The following SLC28A2 variants were observed in gnomAD, a reference collection of about 807,000 sequenced individuals.
SLC28A2 encodes the protein sodium/nucleoside cotransporter 2.
SLC28A2 carries 69 observed loss-of-function variants against 72.9 expected under a neutral mutation model. The observed-to-expected ratio is 0.95, with a 90% CI of 0.78 to 1.16. SLC28A2 has a LOEUF of 1.16. SLC28A2 is among the 50% of genes most tolerant of loss of function. The pLI is 0.00. For synonymous variants in SLC28A2, 296 were observed against 294.1 expected, an observed-to-expected ratio of 1.01 and a Z score of -0.07; for missense variants, 745 against 791.1, an observed-to-expected ratio of 0.94 and a Z score of 0.70.
chr15:45,254,549 G>C (rs1899913785), intron 3 of SLC28A2, among the ~76,000 whole-genome samples: 1 of 152,130 alleles, frequency 6.6e-6, no homozygotes, highest in African/African-American at 2.4e-5. Context: ...TGTGTCGTAA[G>C]CTATACCATC....
intron 5 of SLC28A2, 136 bp downstream of exon 5, chr15:45,263,380 A>C: frequency 2.5e-6 from 2 of 791,996 alleles, no homozygotes; most frequent in Non-Finnish European, 3.9e-6. Flanking sequence ...AAAAATAACA[A>C]TAGGCCTCTG....
chr15:45,266,446 A>G (rs1900339439), intron 10 of SLC28A2, among the ~76,000 whole-genome samples: 1 of 152,148 alleles, frequency 6.6e-6, no homozygotes, highest in Non-Finnish European at 1.5e-5. Context: ...CGTCCAATTC[A>G]TATCCCCTTT....
rs1348922460 is a variant in SLC28A2, at chr15:45,253,513, T to TA, written c.164dup (p.Tyr55Ter). ...SLGDGLGPST[Y>*]QRRSRWPFSK... is the part of the protein sequence containing the mutation. ...GGGGGATGGACTGGGCCCTTCCACT[T>TA]ACCAGAGGTACTGGTGTTTTGGAAT... Residue 55 changes from tyrosine (Y) to a stop codon, truncating the protein, a stop_gained and frameshift_variant, in exon 3 of 18, where the codon TAC becomes TAAC. Transcript: ENST00000347644. LOFTEE classifies it high-confidence loss of function. 2 of 1,608,324 alleles carry TA rather than the reference T, an allele frequency of 1.2e-6. No individual in the cohort carries two copies. Among genetic ancestry groups the TA allele is most frequent in the Non-Finnish European group, 1.7e-6 (2 of 1,174,988 alleles).
intron 16 of SLC28A2, 60 bp downstream of exon 16, chr15:45,272,453 T>C: frequency 2.3e-6 from 3 of 1,329,712 alleles, no homozygotes; most frequent in Non-Finnish European, 3.2e-6. Context: ...GGAGGAATAA[T>C]ATGAGGAAGG....
chr15:45,274,893 G>A (rs1900702291), intron 17 of SLC28A2, among the ~76,000 whole-genome samples: 1 of 152,044 alleles, frequency 6.6e-6, no homozygotes, highest in Admixed American at 6.6e-5. Flanking sequence ...ACCATGCCTG[G>A]TTAATTTTTA....
intron 3 of SLC28A2, among the ~76,000 whole-genome samples, chr15:45,256,878 C>T (rs1385556704): frequency 6.6e-6 from 1 of 152,084 alleles, no homozygotes; most frequent in Non-Finnish European, 1.5e-5. Context: ...TCTGAACTCC[C>T]TTATATCACA....
chr15:45,253,790 G>A, intron 3 of SLC28A2: 1 of 273,418 alleles, frequency 3.7e-6, no homozygotes, highest in Non-Finnish European at 6.9e-6. Flanking sequence ...CTATTTTGCA[G>A]ATTGCTTTAT....
chr15:45,255,210 C>T (rs184727253), intron 3 of SLC28A2: 34 of 150,712 alleles, frequency 2.3e-4, no homozygotes, highest in African/African-American at 7.8e-4. Context: ...GAGCCATGAT[C>T]GTGCCACTGT....
intron 17 of SLC28A2, 44 bp from the exon 18 acceptor site, chr15:45,275,352 T>C (rs1405978073): frequency 8.8e-7 from 1 of 1,134,780 alleles, no homozygotes. Flanking sequence ...TGTTGCTTTG[T>C]TCCTGTCTGA....
At chr15:45,263,822 T>C (rs919085449) in intron 5 of SLC28A2, 59 bp from the exon 6 acceptor site, 37 of 1,522,480 alleles carry the variant, frequency 2.4e-5, no homozygotes, top group Non-Finnish European at 3.3e-5. Flanking sequence ...AGACTCTCTG[T>C]AAGTTATTTG....
At chr15:45,257,795 A>G (rs1411495968) in intron 3 of SLC28A2, among the ~76,000 whole-genome samples, 1 of 152,228 alleles carries the variant, frequency 6.6e-6, no homozygotes, top group East Asian at 1.9e-4. Flanking sequence ...TTATTAAGTT[A>G]ATGTGATGAT....
In SLC28A2 at chr15:45,267,717, C is replaced by T. The variant is rs754696174; in HGVS notation, c.1120C>T (p.Leu374Phe). The change falls in exon 12 of 18, where the codon CTC becomes TTC. Residue 374 changes from leucine (L) to phenylalanine (F), a missense_variant. By Grantham distance (22) the Leu-to-Phe change is conservative (BLOSUM62 0). Coordinates refer to ENST00000347644, the MANE Select transcript of SLC28A2 (RefSeq NM_004212.4). ...CTCTGTGATGGCCGCCCCTTGTGCT[C>T]TCGCCTCATCAAAGCTAGCGTATCC... ...SASVMAAPCA[L>F]ASSKLAYPEV... 1.9e-6 allele frequency: 3 copies of T among 1,614,090 alleles called. No homozygotes were observed. Among genetic ancestry groups the T allele is most frequent in the East Asian group, 2.2e-5 (1 of 44,860 alleles).
chr15:45,255,654 C>G (rs1277003937), intron 3 of SLC28A2, among the ~76,000 whole-genome samples: 1 of 152,002 alleles, frequency 6.6e-6, no homozygotes, highest in Non-Finnish European at 1.5e-5. Context: ...TTCAAGTAAC[C>G]AAAGGGTTAC....
chr15:45,269,313 C>G lies in SLC28A2; in HGVS notation c.1369-25C>G, dbSNP rs148341159. 681 of 1,601,556 alleles carry G rather than the reference C, an allele frequency of 4.3e-4. 8 individuals carry two copies. The South Asian group carries it at 6.0e-3, about 14-fold the overall frequency. The stretch of plus-strand genomic sequence containing the variant: ...CTTTGTTATATTAGTCCTTCCTTTT[C>G]CTGTGATATCTCTCTTTCACTCAGG... On this transcript the variant is annotated intron_variant, in intron 13 of 17. Transcript: ENST00000347644.
At chr15:45,264,156 T>G (rs1391561314) in intron 6 of SLC28A2, 134 bp downstream of exon 6, 1 of 810,940 alleles carries the variant, frequency 1.2e-6, no homozygotes, top group East Asian at 2.8e-5. Flanking sequence ...ATTTGCCTCT[T>G]TGATAATTTT....
Position 45,253,526 on chromosome 15 carries a change from G to A in SLC28A2, c.170+6G>A. Reference sequence around the variant, plus strand: ...GGCCCTTCCACTTACCAGAGGTACTGGTGTTTTGGAATCTTGTTCAGTTAG... The same window carrying A: ...GGCCCTTCCACTTACCAGAGGTACTAGTGTTTTGGAATCTTGTTCAGTTAG... On this transcript the variant is annotated splice_donor_region_variant and intron_variant, in intron 3 of 17. Transcript: ENST00000347644. 1.2e-6 allele frequency: 2 copies of A among 1,602,340 alleles called. No individual in the cohort carries two copies. The highest frequency in any genetic ancestry group is 1.7e-5 in the Admixed American group (1 of 59,836).
chr15:45,274,520 T>C (rs12911861), intron 17 of SLC28A2, among the ~76,000 whole-genome samples: 85,213 of 151,046 alleles, frequency 0.56, 25,266 homozygotes, highest in Non-Finnish European at 0.67. Flanking sequence ...AACAAACAAA[T>C]AAAGATTTGG....
At chr15:45,272,096 C>T in intron 15 of SLC28A2, 199 bp from the exon 16 acceptor site, 1 of 542,444 alleles carries the variant, frequency 1.8e-6, no homozygotes, top group Non-Finnish European at 3.3e-6. Context: ...TGAGGAAAGT[C>T]TAAGTTAGTG....
At chr15:45,268,173 A>G (rs371484429) in intron 12 of SLC28A2, 37 bp from the exon 13 acceptor site, 119 of 1,573,456 alleles carry the variant, frequency 7.6e-5, no homozygotes, top group Non-Finnish European at 9.7e-5. Context: ...AGACTGCTGT[A>G]GACACCCTAC....
Sources: allele counts gnomAD v4.1 joint callset (sites outside exome capture counted in the v4.1 genomes callset), GRCh38; gene constraint gnomAD v4.1.1; transcripts MANE v1.5; gene names NCBI Gene and HGNC (gene_info 2026-07-23, HGNC 2026-07-21).